CFAP46: variants seen among roughly 807,000 people sequenced by gnomAD.
The protein encoded by CFAP46 is cilia- and flagella-associated protein 46.
A neutral mutation model predicts 325.7 loss-of-function variants in CFAP46; 245 were observed. That is an observed-to-expected ratio of 0.75 (90% CI 0.68 to 0.84). The LOEUF is 0.84. Ranked by LOEUF, CFAP46 falls within the 40% of genes least tolerant of loss-of-function variation. The pLI is 0.00. For missense variants in CFAP46, 3,346 were observed against 3,543.0 expected (o/e 0.94, Z 1.41); for synonymous variants, 1,523 against 1,495.9 (o/e 1.02, Z -0.42).
At chr10:132,815,423 G>A (rs944626570) in intron 50 of CFAP46, among the ~76,000 whole-genome samples, 1 of 152,222 alleles carries the variant, frequency 6.6e-6, no homozygotes, top group African/African-American at 2.4e-5. Context: ...GGGGCCCACT[G>A]CCTGACCGCC....
chr10:132,880,211 T>G (rs368048275), intron 28 of CFAP46, among the ~76,000 whole-genome samples: 1 of 152,194 alleles, frequency 6.6e-6, no homozygotes, highest in Admixed American at 6.5e-5. Context: ...CATGGGACTC[T>G]CCGTGCGCAC....
chr10:132,849,728 G>A (rs926166932), intron 41 of CFAP46, among the ~76,000 whole-genome samples: 3 of 152,172 alleles, frequency 2.0e-5, no homozygotes, highest in African/African-American at 7.2e-5. Flanking sequence ...GGAGGCAGCA[G>A]CCTCCCTGGG....
At chr10:132,824,151 T>C (rs1847973189) in intron 50 of CFAP46, among the ~76,000 whole-genome samples, 1 of 137,178 alleles carries the variant, frequency 7.3e-6, no homozygotes, top group African/African-American at 2.7e-5. Context: ...TGATGTGTGC[T>C]GTGTGTGTGC....
At position 132,884,735 on chromosome 10, in the gene CFAP46, C is replaced by T. The variant is rs1849096491; in HGVS notation, c.3627+368G>A. Reference sequence around the variant, plus strand: ...CTGCTCTCCTGTGCAGCCACCCGCCCATCGGGGCCCCTGCCTGCTCTCCTC... The same window carrying T: ...CTGCTCTCCTGTGCAGCCACCCGCCTATCGGGGCCCCTGCCTGCTCTCCTC... On this transcript the variant is annotated intron_variant, in intron 27 of 57. Transcript: ENST00000368586. The surrounding 1 kb of genome is among the most constrained non-coding windows in gnomAD (Gnocchi z 5.4). 6.6e-6 allele frequency among the ~76,000 whole-genome samples: 1 copy of T among 152,044 alleles called. No individual in the cohort carries two copies. The highest frequency in any genetic ancestry group is 2.4e-5 in the African/African-American group (1 of 41,426).
In CFAP46 at chr10:132,847,401, G is replaced by A. The variant is rs1306893332; in HGVS notation, c.5953-80C>T. The A allele has an allele frequency of 3.0e-5, 46 of 1,558,376 alleles. No individual in the cohort carries two copies. Among genetic ancestry groups the A allele is most frequent in the East Asian group, 9.0e-5 (4 of 44,440 alleles). On this transcript the variant is annotated intron_variant, in intron 41 of 57. Transcript: ENST00000368586. This position sits in a 1 kb window ranked among gnomAD's most constrained non-coding sequence, Gnocchi z 5.2. ...TGGGGAGGGCCCACCCAGGGAGGCC[G>A]GGGTGGTCGGGCTCCTCAGCAGGGT...
Position 132,850,241 on chromosome 10 carries a change from T to G in CFAP46, c.5952+3A>C. ...GACTTGGGATAGAAGCAGGAGCACC[T>G]ACCGAGGGGCCCGCCTCCCAGTAGC... On this transcript the variant is annotated splice_donor_region_variant and intron_variant, in intron 41 of 57. Coordinates refer to ENST00000368586, the MANE Select transcript of CFAP46 (RefSeq NM_001200049.3). The G allele has an allele frequency of 6.4e-7, 1 of 1,550,514 alleles. No individual in the cohort carries two copies. The highest frequency in any genetic ancestry group is 8.7e-7 in the Non-Finnish European group (1 of 1,146,822).
chr10:132,823,813 CTGTGTGAGTGCTGATGTGTGCTGTATGT>C (rs1409351541), intron 50 of CFAP46, among the ~76,000 whole-genome samples: 5 of 123,580 alleles, frequency 4.0e-5, no homozygotes, highest in African/African-American at 9.2e-5. Flanking sequence ...GTGCTGTGTG[CTGTGTGAGTGCTGATGTGTGCTGTATGT>C]TGTGTGAGTG....
chr10:132,910,852 G>A (rs1373513985), intron 19 of CFAP46, among the ~76,000 whole-genome samples: 8 of 151,902 alleles, frequency 5.3e-5, no homozygotes, highest in Non-Finnish European at 1.2e-4. Context: ...CCATCCCATC[G>A]GAATGTGTTT....
intron 10 of CFAP46, among the ~76,000 whole-genome samples, 179 bp from the exon 11 acceptor site, chr10:132,925,065 C>T (rs1377940740): frequency 1.3e-5 from 2 of 152,206 alleles, no homozygotes; most frequent in African/African-American, 2.4e-5. Flanking sequence ...AGGAAGTGGA[C>T]GTCTCACAAG....
At chr10:132,822,227 GCGGTGA>G in intron 50 of CFAP46, among the ~76,000 whole-genome samples, 1 of 139,928 alleles carries the variant, frequency 7.1e-6, no homozygotes, top group Non-Finnish European at 1.6e-5. Flanking sequence ...TGTGCTGTGT[GCGGTGA>G]TGTGTGCTGT....
rs1370277823 is a variant in CFAP46, at chr10:132,817,876, C to G, written c.7118-2962G>C. Among the ~76,000 whole-genome samples, 4 of 152,266 alleles carry G rather than the reference C, an allele frequency of 2.6e-5. No homozygotes were observed. Among genetic ancestry groups the G allele is most frequent in the African/African-American group, 9.6e-5 (4 of 41,470 alleles). ...GTCACTGGGTCACAGTGAACGGCGT[C>G]GGCCGCGCTCTGCCTGGAGGCTCCC... On this transcript the variant is annotated intron_variant, in intron 50 of 57. Transcript: ENST00000368586. This position sits in a 1 kb window ranked among gnomAD's most constrained non-coding sequence, Gnocchi z 4.4.
At chr10:132,897,052 T>G (rs1849329634) in intron 24 of CFAP46, among the ~76,000 whole-genome samples, 1 of 152,180 alleles carries the variant, frequency 6.6e-6, no homozygotes, top group African/African-American at 2.4e-5. Context: ...AAACTGGATA[T>G]CCACATGGAA....
chr10:132,922,773 C>T, intron 11 of CFAP46, 65 bp from the exon 12 acceptor site: 2 of 1,333,618 alleles, frequency 1.5e-6, no homozygotes, highest in Non-Finnish European at 2.1e-6. Flanking sequence ...TGGGGTCACA[C>T]CCTCCAGAGG....
Position 132,916,624 on chromosome 10 carries a change from G to T in CFAP46, c.2045C>A (p.Pro682His), listed in dbSNP as rs535562854. ...AGCTGGGTGCTGGCTCAGGTCTTCG[G>T]GGGGGATGGCCCGGTCATTCAGCTC... ...GVELNDRAIP[P>H]EDLSQHPAGY... is the part of the protein sequence containing the mutation. Residue 682 changes from proline to histidine, a missense_variant, in exon 17 of 58, where the codon CCC becomes CAC. Coordinates refer to ENST00000368586, the MANE Select transcript of CFAP46 (RefSeq NM_001200049.3). 358 of 1,540,600 alleles carry T rather than the reference G, an allele frequency of 2.3e-4. No individual in the cohort carries two copies. In the African/African-American group the frequency reaches 3.9e-3, roughly 17 times the overall value.
Position 132,808,854 on chromosome 10 carries a change from C to T in CFAP46, c.7715G>A (p.Arg2572Gln), listed in dbSNP as rs144184295. 1.8e-5 allele frequency: 29 copies of T among 1,601,856 alleles called. No individual in the cohort carries two copies. Among genetic ancestry groups the T allele is most frequent in the Admixed American group, 6.7e-5 (4 of 59,600 alleles). Residue 2572 changes from arginine (R) to glutamine (Q), a missense_variant, in exon 58 of 58, where the codon CGA becomes CAA. Coordinates refer to ENST00000368586, the MANE Select transcript of CFAP46 (RefSeq NM_001200049.3). This position sits in a 1 kb window ranked among gnomAD's most constrained non-coding sequence, Gnocchi z 6.8. ...EGQAAAAPKL[R>Q]APSHHAQLGP... ...AAGTTGAGCGTGGTGGGAAGGAGCT[C>T]GGAGCTTTGGAGCAGCAGCAGCTTG...
At chr10:132,906,101 C>T (rs1430159733) in intron 22 of CFAP46, among the ~76,000 whole-genome samples, 2 of 152,264 alleles carry the variant, frequency 1.3e-5, no homozygotes, top group Non-Finnish European at 2.9e-5. Flanking sequence ...TCGATGTTGG[C>T]AAAGAGAAAA....
At chr10:132,936,074 C>T (rs1388630723) in intron 7 of CFAP46, among the ~76,000 whole-genome samples, 1 of 62,514 alleles carries the variant, frequency 1.6e-5, no homozygotes, top group Non-Finnish European at 3.1e-5. Flanking sequence ...TCTCCTCACT[C>T]CCCTCGGCAT....
intron 19 of CFAP46, among the ~76,000 whole-genome samples, chr10:132,911,958 C>G (rs898008081): frequency 1.3e-5 from 2 of 152,110 alleles, no homozygotes; most frequent in African/African-American, 4.8e-5. Context: ...GAGCCCCTGA[C>G]GTTTTACTTC....
At chr10:132,858,588 C>T (rs575864622) in intron 38 of CFAP46, among the ~76,000 whole-genome samples, 6 of 151,984 alleles carry the variant, frequency 3.9e-5, no homozygotes, top group Non-Finnish European at 1.5e-5. Context: ...CCTGAGATGC[C>T]GTCTGCGGCC....
Sources: gnomAD v4.1 joint callset for allele counts (sites outside exome capture counted in the v4.1 genomes callset) on GRCh38, gnomAD v4.1.1 for gene constraint, Gnocchi (gnomAD v3.1) non-coding constraint, MANE v1.5 for transcripts, NCBI Gene and HGNC (gene_info 2026-07-23, HGNC 2026-07-21) for gene names.